UFD1: variants seen among roughly 807,000 people sequenced by gnomAD.
UFD1 encodes ubiquitin recognition factor in ER-associated degradation protein 1.
In UFD1, 13 loss-of-function variants were observed where a neutral mutation model predicts 45.9. The observed-to-expected ratio is 0.28, with a 90% CI of 0.18 to 0.45. The LOEUF (loss-of-function observed/expected upper bound fraction) is 0.45. Among genes scored for constraint, UFD1 ranks in the 20% least tolerant of loss-of-function variants. The probability of loss-of-function intolerance (pLI) is 1.00; values close to 1 mark genes in which losing one functional copy is unlikely to be tolerated. For synonymous variants in UFD1, 128 were observed against 139.2 expected, an observed-to-expected ratio of 0.92 and a Z score of 0.56; for missense variants, 218 against 389.2, an observed-to-expected ratio of 0.56 and a Z score of 3.70.
At chr22:19,475,142 A>G in intron 2 of UFD1, 42 bp from the exon 3 acceptor site, 1 of 1,580,366 alleles carries the variant, frequency 6.3e-7, no homozygotes, top group Non-Finnish European at 8.6e-7. Context: ...AATAAAAATA[A>G]AAAGGACAGA....
At chr22:19,459,112 GCAT>G (rs1249895892) in intron 6 of UFD1, among the ~76,000 whole-genome samples, 5 of 152,196 alleles carry the variant, frequency 3.3e-5, no homozygotes, top group African/African-American at 1.2e-4. Flanking sequence ...TATCATGTTT[GCAT>G]CATAATAAAG....
At chr22:19,465,302 T>C (rs2089794249) in intron 5 of UFD1, 28 bp from the exon 6 acceptor site, 1 of 1,597,112 alleles carries the variant, frequency 6.3e-7, no homozygotes, top group Non-Finnish European at 8.6e-7. Flanking sequence ...CAAGGCAACA[T>C]GGCAAGATGG....
intron 11 of UFD1, chr22:19,451,590 C>G (rs1462369122): frequency 2.0e-6 from 2 of 985,312 alleles, no homozygotes; most frequent in Non-Finnish European, 2.4e-6. Flanking sequence ...CAACTTTTCC[C>G]TAGGAAGAAG....
intron 4 of UFD1, 84 bp from the exon 5 acceptor site, chr22:19,468,087 G>GT: frequency 6.5e-7 from 1 of 1,537,036 alleles, no homozygotes; most frequent in Non-Finnish European, 8.8e-7. Flanking sequence ...GGGCAGGCCC[G>GT]TCTTACTTGG....
chr22:19,473,507 C>A (rs1354582568), intron 3 of UFD1, among the ~76,000 whole-genome samples: 1 of 152,218 alleles, frequency 6.6e-6, no homozygotes, highest in Non-Finnish European at 1.5e-5. Context: ...TGGTGTCTGG[C>A]TCCTGGGTCA....
chr22:19,475,123 A>C (rs1268394037), intron 2 of UFD1, 23 bp from the exon 3 acceptor site: 2 of 1,598,294 alleles, frequency 1.3e-6, no homozygotes, highest in South Asian at 1.1e-5. Flanking sequence ...CATTTAAGAA[A>C]TATTAAAAAA....
chr22:19,476,951 G>C (rs1488410278), intron 1 of UFD1, among the ~76,000 whole-genome samples: 14 of 138,666 alleles, frequency 1.0e-4, no homozygotes, highest in African/African-American at 3.6e-4. Context: ...AAGTTGCAGT[G>C]AGCCGAGATC....
chr22:19,471,324 T>A, intron 4 of UFD1: 1 of 547,392 alleles, frequency 1.8e-6, no homozygotes, highest in Non-Finnish European at 3.6e-6. Flanking sequence ...CTACTAAAAG[T>A]AGGGGAAAAG....
chr22:19,469,893 T>C (rs1207804875), intron 4 of UFD1: 1 of 516,146 alleles, frequency 1.9e-6, no homozygotes, highest in African/African-American at 1.9e-5. Context: ...TCTAAAGCAG[T>C]CCAACAGCTT....
chr22:19,451,294 T>C, intron 11 of UFD1: 2 of 985,562 alleles, frequency 2.0e-6, no homozygotes, highest in Non-Finnish European at 2.4e-6. Context: ...TAAAAAAGAA[T>C]TCCATGATGT....
rs2089668154 is a variant in UFD1, at chr22:19,450,035, C to T, written c.*635G>A. 6.6e-6 allele frequency: 1 copy of T among 152,166 alleles called. No homozygotes were observed. Among genetic ancestry groups the T allele is most frequent in the South Asian group, 2.1e-4 (1 of 4,828 alleles). The allele number at this position is 152,166 out of a possible 1,614,324, so 9.4% of individuals were successfully genotyped here. A position where few individuals can be genotyped will look rare whatever the true frequency, so the allele number is the denominator to read the frequency against. On this transcript the variant is annotated 3_prime_UTR_variant, in exon 12 of 12. Coordinates refer to ENST00000263202, the MANE Select transcript of UFD1 (RefSeq NM_005659.7). Reference sequence around the variant, plus strand: ...TTTGCTTCTCCATGGAGTTGTTTCACTATGAACAGGTTCACTAAGGAGCCA... The same window carrying T: ...TTTGCTTCTCCATGGAGTTGTTTCATTATGAACAGGTTCACTAAGGAGCCA...
rs1326099795 is a variant in UFD1 at position 19,454,792 on chromosome 22, G to A, written c.806C>T (p.Thr269Ile). Residue 269 changes from threonine (T) to isoleucine (I), a missense_variant, in exon 11 of 12, where the codon ACT becomes ATT. By Grantham distance (89) the Thr-to-Ile change is moderately conservative. This residue lies in a region of UFD1 where 69 missense variants were observed against 81.7 expected (regional missense o/e 0.84). Transcript: ENST00000263202. Reference sequence around the variant, plus strand: ...AAGGGGACGTGAATTTCTGATGAAAGTTATCTTACCAAGTTTAAATTCATA... The same window carrying A: ...AAGGGGACGTGAATTTCTGATGAAAATTATCTTACCAAGTTTAAATTCATA... ...PNYEFKLGKI[T>I]FIRNSRPLVK... 2 of 1,613,898 alleles carry A rather than the reference G, an allele frequency of 1.2e-6. No homozygotes were observed. Among genetic ancestry groups the A allele is most frequent in the Non-Finnish European group, 1.7e-6 (2 of 1,179,990 alleles).
At chr22:19,468,583 T>C (rs760644263) in intron 4 of UFD1, among the ~76,000 whole-genome samples, 1 of 152,158 alleles carries the variant, frequency 6.6e-6, no homozygotes, top group East Asian at 1.9e-4. Flanking sequence ...ACAATGCCCA[T>C]GAGTACTGGG....
intron 3 of UFD1, among the ~76,000 whole-genome samples, chr22:19,474,035 G>T (rs536438020): frequency 6.6e-6 from 1 of 152,182 alleles, no homozygotes; most frequent in Non-Finnish European, 1.5e-5. Context: ...TTCTGTGCCT[G>T]TGTAGTATGG....
intron 7 of UFD1, among the ~76,000 whole-genome samples, chr22:19,457,865 C>T (rs1198389382): frequency 2.0e-5 from 3 of 152,178 alleles, no homozygotes; most frequent in Non-Finnish European, 2.9e-5. Flanking sequence ...CATGGCAGCA[C>T]TGGCAGCAAA....
intron 6 of UFD1, among the ~76,000 whole-genome samples, chr22:19,462,677 AAG>A (rs1343846872): frequency 2.0e-5 from 3 of 152,190 alleles, no homozygotes; most frequent in Non-Finnish European, 2.9e-5. Context: ...CTCAAAAAAA[AAG>A]AGAGTAAGTC....
At chr22:19,456,447 C>A (rs2089723614) in intron 9 of UFD1, 140 bp downstream of exon 9, 1 of 1,111,308 alleles carries the variant, frequency 9.0e-7, no homozygotes, top group South Asian at 1.3e-5. Flanking sequence ...GAGCGAGTGG[C>A]AGATTTGCAT....
intron 1 of UFD1, 96 bp from the exon 2 acceptor site, chr22:19,475,698 T>C (rs1479058784): frequency 6.4e-6 from 9 of 1,398,838 alleles, no homozygotes; most frequent in Non-Finnish European, 8.0e-6. Context: ...TACTAAACAT[T>C]GTCAGAGAAC....
At chr22:19,452,017 G>A (rs7292006) in intron 11 of UFD1, 385,517 of 833,630 alleles carry the variant, frequency 0.46, 94,174 homozygotes, top group Non-Finnish European at 0.49. Context: ...AAAGATGCAT[G>A]AGGATTATCT....
Sources: allele counts gnomAD v4.1 joint callset (sites outside exome capture counted in the v4.1 genomes callset), GRCh38; gene constraint gnomAD v4.1.1; regional missense constraint gnomAD v4.1.1; transcripts MANE v1.5; gene names NCBI Gene and HGNC (gene_info 2026-07-23, HGNC 2026-07-21).